Variants in PTPRN2 observed in about 807,000 individuals in gnomAD.
The protein encoded by PTPRN2 is receptor-type tyrosine-protein phosphatase N2.
PTPRN2 carries 74 observed loss-of-function variants against 118.8 expected under a neutral mutation model. The ratio of observed to expected loss-of-function variants is 0.62; its 90% CI spans 0.52 to 0.76. The LOEUF (loss-of-function observed/expected upper bound fraction) is 0.76. PTPRN2 is among the 30% of genes least tolerant of loss of function. The pLI, the probability that PTPRN2 is intolerant of heterozygous loss-of-function variation, is 0.00. For synonymous variants in PTPRN2, 641 were observed against 608.0 expected (o/e 1.05, Z -0.80); for missense variants, 1,481 against 1,394.4 (o/e 1.06, Z -0.99).
intron 2 of PTPRN2, among the ~76,000 whole-genome samples, chr7:158,393,541 A>G (rs1812104278): frequency 6.6e-6 from 1 of 152,138 alleles, no homozygotes; most frequent in African/African-American, 2.4e-5. Flanking sequence ...TAAAGGTCTC[A>G]GGCCCGGCAC....
At chr7:158,359,882 C>A (rs559269131) in intron 2 of PTPRN2, among the ~76,000 whole-genome samples, 1 of 152,266 alleles carries the variant, frequency 6.6e-6, no homozygotes, top group East Asian at 1.9e-4. Context: ...TTAGCTTGGC[C>A]CCTCCTTGGT....
intron 2 of PTPRN2, among the ~76,000 whole-genome samples, chr7:158,361,973 T>C (rs1203530202): frequency 6.6e-6 from 1 of 152,162 alleles, no homozygotes; most frequent in Non-Finnish European, 1.5e-5. Context: ...CTCCCTTCGT[T>C]TCTTGGCCCT....
At chr7:158,070,790 TGG>T (rs1811284596) in intron 11 of PTPRN2, among the ~76,000 whole-genome samples, 1 of 117,778 alleles carries the variant, frequency 8.5e-6, no homozygotes, top group Non-Finnish European at 1.7e-5. Flanking sequence ...GTGCCCGTGG[TGG>T]TGGAGGTGCC....
rs1487589526 is a variant in PTPRN2 at position 158,517,663 on chromosome 7, A to G, written c.113-27878T>C. On this transcript the variant is annotated intron_variant, in intron 1 of 22. Coordinates refer to ENST00000389418, the MANE Select transcript of PTPRN2 (RefSeq NM_002847.5). This position sits in a 1 kb window ranked among gnomAD's most constrained non-coding sequence, Gnocchi z 5.3. Reference sequence around the variant, plus strand: ...CTGCCTTTAGGGTGGAGTCCAAGCCAGCCTCATGGACAGCGTCTCCAGACT... The same window carrying G: ...CTGCCTTTAGGGTGGAGTCCAAGCCGGCCTCATGGACAGCGTCTCCAGACT... 6.6e-6 allele frequency among the ~76,000 whole-genome samples: 1 copy of G among 152,154 alleles called. No individual in the cohort carries two copies. The highest frequency in any genetic ancestry group is 1.5e-5 in the Non-Finnish European group (1 of 68,018).
Position 157,981,984 on chromosome 7 carries a change from AG to A in PTPRN2, c.1724-83248del, listed in dbSNP as rs1260578647. On this transcript the variant is annotated intron_variant, in intron 11 of 22. Transcript: ENST00000389418. ...GAATGCAGAGTGCAGGGTACCGCCC[AG>A]AACCCCTGAGTCATAGAGACAAGGA... 2.3e-3 allele frequency among the ~76,000 whole-genome samples: 344 copies of A among 147,902 alleles called. 13 individuals carry two copies. In the Admixed American group the frequency reaches 0.023, roughly 10 times the overall value.
intron 12 of PTPRN2, among the ~76,000 whole-genome samples, chr7:157,890,422 A>G (rs1796731291): frequency 6.6e-6 from 1 of 152,204 alleles, no homozygotes; most frequent in African/African-American, 2.4e-5. Flanking sequence ...CAGGCGGATC[A>G]TGAGGTCAGG....
Position 158,097,499 on chromosome 7 carries a change from G to A in PTPRN2, c.1643+13330C>T, listed in dbSNP as rs577088198. ...GGCTGCGTGCCCCGAATGCCCCGGC[G>A]GTCCTCGTGGCTGATGTGGGAGCTC... On this transcript the variant is annotated intron_variant, in intron 10 of 22. Coordinates refer to ENST00000389418, the MANE Select transcript of PTPRN2 (RefSeq NM_002847.5). Among the ~76,000 whole-genome samples, 15 of 152,340 alleles carry A rather than the reference G, an allele frequency of 9.8e-5. No homozygotes were observed. The South Asian group carries it at 2.9e-3, about 29-fold the overall frequency.
intron 10 of PTPRN2, among the ~76,000 whole-genome samples, chr7:158,108,582 T>A (rs950020652): frequency 6.6e-6 from 1 of 152,198 alleles, no homozygotes; most frequent in Non-Finnish European, 1.5e-5. Context: ...TCATTGCATA[T>A]GTCTGTACCC....
At chr7:158,194,153 G>T (rs761593329) in intron 4 of PTPRN2, among the ~76,000 whole-genome samples, 11 of 147,050 alleles carry the variant, frequency 7.5e-5, no homozygotes, top group African/African-American at 1.1e-4. Flanking sequence ...AAGTGTGTGT[G>T]TGAGTGTGTG....
At chr7:157,727,794 G>A (rs1799682488) in intron 12 of PTPRN2, among the ~76,000 whole-genome samples, 1 of 152,324 alleles carries the variant, frequency 6.6e-6, no homozygotes, top group South Asian at 2.1e-4. Context: ...CAGTGATTGA[G>A]CCCAGACCCC....
rs1416733759 is a variant in PTPRN2 at position 158,166,484 on chromosome 7, T to C, written c.910+447A>G. On this transcript the variant is annotated intron_variant, in intron 6 of 22. Transcript: ENST00000389418. ...CTCCCACTGGCCACTGTGTTCACTG[T>C]CCTCACACCCTCAGGATCATCTCCT... Among the ~76,000 whole-genome samples the C allele has an allele frequency of 1.3e-3, 189 of 148,228 alleles. 2 individuals carry two copies. The highest frequency in any genetic ancestry group is 2.3e-3 in the Non-Finnish European group (153 of 67,322).
chr7:158,333,558 T>G (rs1478169188), intron 2 of PTPRN2, among the ~76,000 whole-genome samples: 2 of 150,010 alleles, frequency 1.3e-5, no homozygotes, highest in Non-Finnish European at 2.9e-5. Context: ...ACACCCACAC[T>G]CTCACCATAA....
At chr7:157,595,193 A>C in intron 17 of PTPRN2, 45 bp downstream of exon 17, 2 of 1,570,430 alleles carry the variant, frequency 1.3e-6, no homozygotes, top group Middle Eastern at 1.7e-4. Context: ...CCAGTTATTG[A>C]GATCTTCTTT....
intron 3 of PTPRN2, among the ~76,000 whole-genome samples, chr7:158,246,137 TGA>T: frequency 6.6e-6 from 1 of 151,938 alleles, no homozygotes; most frequent in African/African-American, 2.4e-5. Flanking sequence ...ACTAATTGAT[TGA>T]TTGATTGATT....
In PTPRN2 at chr7:157,644,719, C is replaced by T. The variant is rs549701773; in HGVS notation, c.2196+11638G>A. Among the ~76,000 whole-genome samples the T allele has an allele frequency of 4.6e-5, 7 of 151,082 alleles. No individual in the cohort carries two copies. In the South Asian group the frequency reaches 1.3e-3, roughly 27 times the overall value. On this transcript the variant is annotated intron_variant, in intron 14 of 22. Coordinates refer to ENST00000389418, the MANE Select transcript of PTPRN2 (RefSeq NM_002847.5). ...CTGAGGCAGGAGAATCACTTGAACC[C>T]GAGAGGCAGAGGTTGCAGTGAGCCG...
chr7:157,743,144 C>T (rs986390489), intron 12 of PTPRN2, among the ~76,000 whole-genome samples: 4 of 152,210 alleles, frequency 2.6e-5, no homozygotes, highest in African/African-American at 9.7e-5. Flanking sequence ...CTGCATCTGA[C>T]TTCTGGAGAG....
chr7:158,113,452 G>A (rs568553144), intron 9 of PTPRN2, among the ~76,000 whole-genome samples: 14 of 152,296 alleles, frequency 9.2e-5, no homozygotes, highest in South Asian at 8.3e-4. Context: ...ATGGCTGTGT[G>A]TGCCCAGAGC....
intron 2 of PTPRN2, among the ~76,000 whole-genome samples, chr7:158,456,614 G>A (rs1454820943): frequency 5.3e-5 from 8 of 152,216 alleles, no homozygotes; most frequent in East Asian, 3.9e-4. Context: ...CGGCACGGAC[G>A]CCATCGGCCA....
chr7:158,402,179 C>T (rs116519232), intron 2 of PTPRN2, among the ~76,000 whole-genome samples: 3,129 of 152,268 alleles, frequency 0.021, 92 homozygotes, highest in African/African-American at 0.07. Flanking sequence ...GGGAGAGTGG[C>T]TCACAACAAG....
Sources: gnomAD v4.1 joint callset for allele counts (sites outside exome capture counted in the v4.1 genomes callset) on GRCh38, gnomAD v4.1.1 for gene constraint, Gnocchi (gnomAD v3.1) non-coding constraint, MANE v1.5 for transcripts, NCBI Gene and HGNC (gene_info 2026-07-23, HGNC 2026-07-21) for gene names.